The following HDLBP variants were observed in gnomAD, a reference collection of about 807,000 sequenced individuals.
HDLBP encodes high density lipoprotein binding protein, also known as vigilin.
In HDLBP, 30 loss-of-function variants were observed where a neutral mutation model predicts 137.3. The ratio of observed to expected loss-of-function variants is 0.22; its 90% CI spans 0.16 to 0.30. The LOEUF (loss-of-function observed/expected upper bound fraction) is 0.30, where lower values mean the gene tolerates loss of function less well. Among genes scored for constraint, HDLBP ranks in the 10% least tolerant of loss-of-function variants. HDLBP has a pLI of 1.00. For synonymous variants in HDLBP, 606 were observed against 596.0 expected (o/e 1.02, Z -0.24); for missense variants, 1,119 against 1,667.3 (o/e 0.67, Z 5.73).
intron 3 of HDLBP, 164 bp downstream of exon 3, chr2:241,266,630 G>A (rs1574971550): frequency 5.0e-6 from 3 of 606,016 alleles, no homozygotes; most frequent in East Asian, 5.4e-5. Context: ...AGTCGCCCCT[G>A]CACGCACAGC....
chr2:241,233,755 T>C lies in HDLBP; in HGVS notation c.3288+65A>G. 1 of 1,596,110 alleles carries C rather than the reference T, an allele frequency of 6.3e-7. No homozygotes were observed. Among genetic ancestry groups the C allele is most frequent in the Non-Finnish European group, 8.6e-7 (1 of 1,166,934 alleles). The stretch of plus-strand genomic sequence containing the variant: ...CCATCTAGGCACATCTGGTTACTGC[T>C]CCCAAGTCACAGGAAAGGTCAACAA... On this transcript the variant is annotated intron_variant, in intron 24 of 27. Coordinates refer to ENST00000310931, the MANE Select transcript of HDLBP (RefSeq NM_005336.6). The surrounding 1 kb of genome is among the most constrained non-coding windows in gnomAD (Gnocchi z 4.3).
rs761829730 is a variant in HDLBP at position 241,246,887 on chromosome 2, C to T, written c.1819-4G>A. 1.9e-6 allele frequency: 3 copies of T among 1,614,112 alleles called. No homozygotes were observed. The South Asian group carries it at 3.3e-5, about 18-fold the overall frequency. ...TGGTGTTGCTTTCTTCACGAATCTACAGGGAGAGAGATCACCATGAGAAGC... is the reference window on the plus strand; with the variant it reads ...TGGTGTTGCTTTCTTCACGAATCTATAGGGAGAGAGATCACCATGAGAAGC... On this transcript the variant is annotated splice_polypyrimidine_tract_variant and splice_region_variant and intron_variant, in intron 15 of 27. Coordinates refer to ENST00000310931, the MANE Select transcript of HDLBP (RefSeq NM_005336.6).
chr2:241,248,736 C>G (rs1344527471), intron 12 of HDLBP, among the ~76,000 whole-genome samples: 2 of 152,128 alleles, frequency 1.3e-5, no homozygotes, highest in Non-Finnish European at 2.9e-5. Context: ...GGAGGCCTGG[C>G]ATTCTGCATA....
intron 1 of HDLBP, among the ~76,000 whole-genome samples, chr2:241,303,313 G>A (rs1171496690): frequency 1.3e-5 from 2 of 152,220 alleles, no homozygotes; most frequent in Admixed American, 6.5e-5. Flanking sequence ...ACAGGACAGA[G>A]CAAGGCCAAG....
At chr2:241,279,701 T>C (rs1216750287) in intron 1 of HDLBP, among the ~76,000 whole-genome samples, 1 of 152,148 alleles carries the variant, frequency 6.6e-6, no homozygotes, top group Non-Finnish European at 1.5e-5. Context: ...TTTGACACCA[T>C]TTGCAAGGCC....
chr2:241,250,049 C>T, intron 11 of HDLBP, 69 bp from the exon 12 acceptor site: 1 of 1,469,872 alleles, frequency 6.8e-7, no homozygotes. Flanking sequence ...CATAACTGGG[C>T]AGGACAGCGC....
chr2:241,236,316 C>T, intron 21 of HDLBP: 1 of 410,382 alleles, frequency 2.4e-6, no homozygotes, highest in Non-Finnish European at 4.4e-6. Flanking sequence ...CATTCATCCC[C>T]CTGCAGCTGA....
chr2:241,234,339 CTG>C (rs1199061543), intron 23 of HDLBP, among the ~76,000 whole-genome samples: 1 of 152,218 alleles, frequency 6.6e-6, no homozygotes, highest in Non-Finnish European at 1.5e-5. Flanking sequence ...CTTTTTAGGA[CTG>C]GGGCAGATGC....
chr2:241,306,043 AG>A (rs2075561330), intron 1 of HDLBP, among the ~76,000 whole-genome samples: 1 of 152,090 alleles, frequency 6.6e-6, no homozygotes, highest in Non-Finnish European at 1.5e-5. Flanking sequence ...GACAGGTGTG[AG>A]TCACCGCGCC....
Position 241,290,541 on chromosome 2 carries a change from C to T in HDLBP, c.-102-22000G>A, listed in dbSNP as rs149902601. On this transcript the variant is annotated intron_variant, in intron 1 of 27. Coordinates refer to ENST00000310931, the MANE Select transcript of HDLBP (RefSeq NM_005336.6). ...AGGAGAAATGCTTGAACCCAAGAGG[C>T]GGAGGTTGTGGTGAGCCGAGATCGC... Among the ~76,000 whole-genome samples, 50 of 151,582 alleles carry T rather than the reference C, an allele frequency of 3.3e-4. No homozygotes were observed. In the East Asian group the frequency reaches 6.8e-3, roughly 21 times the overall value.
chr2:241,314,797 C>G (rs1167962887), intron 1 of HDLBP, among the ~76,000 whole-genome samples: 1 of 152,324 alleles, frequency 6.6e-6, no homozygotes, highest in East Asian at 1.9e-4. Context: ...GTCAGAAAGG[C>G]TCAGGTTCCC....
chr2:241,246,450 T>A (rs1259219793), intron 16 of HDLBP: 2 of 311,974 alleles, frequency 6.4e-6, no homozygotes, highest in Admixed American at 4.7e-5. Flanking sequence ...CAATTTTTTT[T>A]AAAGGAAAGA....
intron 16 of HDLBP, among the ~76,000 whole-genome samples, chr2:241,243,041 C>T (rs1392284149): frequency 6.6e-6 from 1 of 152,184 alleles, no homozygotes; most frequent in East Asian, 1.9e-4. Flanking sequence ...AGAGGTGGCT[C>T]CATATGCCTA....
intron 1 of HDLBP, among the ~76,000 whole-genome samples, chr2:241,290,567 G>A (rs899130899): frequency 1.6e-4 from 24 of 151,360 alleles, no homozygotes; most frequent in African/African-American, 5.6e-4. Flanking sequence ...CCGAGATCGC[G>A]CCATTGCACT....
rs56864201 is a variant in HDLBP, at chr2:241,241,566, CAAAAAAAAAAAAAAAAAA to C, written c.2169+876_2169+893del. ...TGGGCGACAGAGCAAGACTCCGTCT[CAAAAAAAAAAAAAAAAAA>C]AAAAAAAAAAAAAAAAAAATCCACA... On this transcript the variant is annotated intron_variant, in intron 17 of 27. Coordinates refer to ENST00000310931, the MANE Select transcript of HDLBP (RefSeq NM_005336.6). 6.0e-4 allele frequency among the ~76,000 whole-genome samples: 19 copies of C among 31,466 alleles called. No homozygotes were observed. In the East Asian group the frequency reaches 6.5e-3, roughly 11 times the overall value. 20.6% of individuals were successfully genotyped at this position (31,466 alleles called of 152,430 possible).
chr2:241,310,683 G>A (rs564203216), intron 1 of HDLBP, among the ~76,000 whole-genome samples: 35 of 152,182 alleles, frequency 2.3e-4, no homozygotes, highest in African/African-American at 7.5e-4. Flanking sequence ...CAAATAGGAA[G>A]AAATCAAAGC....
chr2:241,272,554 G>C lies in HDLBP; in HGVS notation c.-102-4013C>G. On this transcript the variant is annotated intron_variant, in intron 1 of 27. Coordinates refer to ENST00000310931, the MANE Select transcript of HDLBP (RefSeq NM_005336.6). The surrounding 1 kb of genome is among the most constrained non-coding windows in gnomAD (Gnocchi z 5.6). ...CAGAAGAGACTCGGAGCCGGCCCCA[G>C]GTCTGGCCCGGAACCGCCACGCGCG... The C allele has an allele frequency of 1.0e-6, 1 of 984,458 alleles. No individual in the cohort carries two copies. Among genetic ancestry groups the C allele is most frequent in the Non-Finnish European group, 1.2e-6 (1 of 829,598 alleles). 61.0% of individuals were successfully genotyped at this position (984,458 alleles called of 1,614,324 possible).
intron 20 of HDLBP, 82 bp from the exon 21 acceptor site, chr2:241,236,851 G>T: frequency 1.4e-6 from 2 of 1,450,068 alleles, no homozygotes; most frequent in Non-Finnish European, 1.9e-6. Flanking sequence ...TGTCTGTGAG[G>T]CACCTGCTGG....
In HDLBP at chr2:241,267,765, A is replaced by C. The variant is rs952208497; in HGVS notation, c.-38+712T>G. The C allele has an allele frequency of 7.3e-6, 11 of 1,516,758 alleles. No homozygotes were observed. In the African/African-American group the frequency reaches 1.2e-4, roughly 17 times the overall value. 94.0% of individuals were successfully genotyped at this position (1,516,758 alleles called of 1,614,324 possible). ...TTGTAGCAACAGTAACAGACCCACA[A>C]ATTGCGCTAAATGCCCTTGATCCAC... On this transcript the variant is annotated intron_variant, in intron 2 of 27. Transcript: ENST00000310931.
Sources: allele counts gnomAD v4.1 joint callset (sites outside exome capture counted in the v4.1 genomes callset), GRCh38; gene constraint gnomAD v4.1.1; non-coding constraint Gnocchi (gnomAD v3.1); transcripts MANE v1.5; gene names NCBI Gene and HGNC (gene_info 2026-07-23, HGNC 2026-07-21).